Variants in TMEM132D observed in about 807,000 individuals in gnomAD.
TMEM132D encodes the protein mature OL transmembrane protein.
TMEM132D carries 21 observed loss-of-function variants against 62.3 expected under a neutral mutation model. That is an observed-to-expected ratio of 0.34 (90% CI 0.24 to 0.49). The LOEUF (loss-of-function observed/expected upper bound fraction) is 0.49, where lower values mean the gene tolerates loss of function less well. Among genes scored for constraint, TMEM132D ranks in the 20% least tolerant of loss-of-function variants. TMEM132D has a pLI of 0.99. For missense variants in TMEM132D, 1,346 were observed against 1,402.8 expected, an observed-to-expected ratio of 0.96 and a Z score of 0.65; for synonymous variants, 621 against 575.6, an observed-to-expected ratio of 1.08 and a Z score of -1.13.
intron 3 of TMEM132D, among the ~76,000 whole-genome samples, chr12:129,431,748 C>T (rs1451470200): frequency 6.6e-6 from 1 of 152,184 alleles, no homozygotes; most frequent in South Asian, 2.1e-4. Context: ...TGGGTAAAAA[C>T]TTAAACCTGC....
intron 2 of TMEM132D, among the ~76,000 whole-genome samples, chr12:129,675,600 T>C (rs1190458247): frequency 6.6e-6 from 1 of 152,184 alleles, no homozygotes; most frequent in East Asian, 1.9e-4. Flanking sequence ...ACTATTTCAT[T>C]CCATGATAAG....
intron 3 of TMEM132D, among the ~76,000 whole-genome samples, chr12:129,429,861 C>T (rs1279203611): frequency 6.6e-6 from 1 of 151,198 alleles, no homozygotes; most frequent in Non-Finnish European, 1.5e-5. Context: ...CAATAGTTTG[C>T]TGAGAATGAT....
rs151214612 is a variant in TMEM132D, at chr12:129,895,842, A to C, written c.79+7419T>G. 2.3e-3 allele frequency among the ~76,000 whole-genome samples: 348 copies of C among 152,144 alleles called. 3 individuals are homozygous for C. Among genetic ancestry groups the C allele is most frequent in the Admixed American group, 4.8e-3 (74 of 15,288 alleles). ...GTAAAAAAAAAAAATTACTTGGTGA[A>C]GGAAGAAGAGAAAGGCTGAGAAACC... On this transcript the variant is annotated intron_variant, in intron 1 of 8. Coordinates refer to ENST00000422113, the MANE Select transcript of TMEM132D (RefSeq NM_133448.3).
intron 3 of TMEM132D, among the ~76,000 whole-genome samples, chr12:129,489,103 T>G (rs965241694): frequency 1.3e-5 from 2 of 152,184 alleles, no homozygotes; most frequent in African/African-American, 4.8e-5. Flanking sequence ...CCAGGGGACA[T>G]AGTTATTGAC....
At chr12:129,196,982 C>A (rs973134610) in intron 5 of TMEM132D, among the ~76,000 whole-genome samples, 1 of 152,064 alleles carries the variant, frequency 6.6e-6, no homozygotes, top group African/African-American at 2.4e-5. Flanking sequence ...AGTCACCACC[C>A]GTGAAGAAAA....
intron 3 of TMEM132D, among the ~76,000 whole-genome samples, chr12:129,497,078 C>T (rs185109794): frequency 1.9e-4 from 29 of 152,210 alleles, no homozygotes; most frequent in Admixed American, 9.2e-4. Flanking sequence ...GAGGCTGAGA[C>T]GGGTGGATCA....
At chr12:129,088,136 G>GGGGTGTCCTCCCTGCCC (rs1874716229) in intron 5 of TMEM132D, among the ~76,000 whole-genome samples, 2 of 23,008 alleles carry the variant, frequency 8.7e-5, no homozygotes, top group Admixed American at 5.6e-4. Flanking sequence ...CTCCATGACC[G>GGGGTGTCCTCCCTGCCC]GGGTGTCCTC....
intron 2 of TMEM132D, among the ~76,000 whole-genome samples, chr12:129,567,098 C>T (rs1334344347): frequency 6.6e-6 from 1 of 152,208 alleles, no homozygotes; most frequent in Non-Finnish European, 1.5e-5. Context: ...TGTAACAGGT[C>T]ATGGTCCTCA....
intron 2 of TMEM132D, among the ~76,000 whole-genome samples, chr12:129,583,088 G>A (rs571194093): frequency 1.5e-4 from 23 of 152,278 alleles, no homozygotes; most frequent in Middle Eastern, 3.4e-3. Context: ...GATTACAGGC[G>A]TGAGCCACTG....
chr12:129,326,406 G>C (rs972841046), intron 4 of TMEM132D, among the ~76,000 whole-genome samples: 3 of 152,112 alleles, frequency 2.0e-5, no homozygotes, highest in Non-Finnish European at 4.4e-5. Context: ...TGTCATTTTT[G>C]TATGTCCTGC....
At chr12:129,113,065 GTCT>G (rs1875774620) in intron 5 of TMEM132D, 1 of 152,092 alleles carries the variant, frequency 6.6e-6, no homozygotes, top group South Asian at 2.1e-4. Context: ...TACTCTAAAG[GTCT>G]TCTTTCTGAA....
intron 1 of TMEM132D, among the ~76,000 whole-genome samples, chr12:129,736,165 A>T (rs1330567356): frequency 6.6e-6 from 1 of 152,172 alleles, no homozygotes; most frequent in Non-Finnish European, 1.5e-5. Context: ...TCTCAAAAAC[A>T]AATTGTATTT....
intron 4 of TMEM132D, among the ~76,000 whole-genome samples, chr12:129,247,253 A>C (rs1330386438): frequency 6.6e-6 from 1 of 152,042 alleles, no homozygotes; most frequent in Non-Finnish European, 1.5e-5. Flanking sequence ...GGATTTATAG[A>C]GTTTTTCTAC....
At chr12:129,276,182 G>C (rs1194697915) in intron 4 of TMEM132D, among the ~76,000 whole-genome samples, 1 of 152,100 alleles carries the variant, frequency 6.6e-6, no homozygotes, top group African/African-American at 2.4e-5. Flanking sequence ...TTGCCCACTC[G>C]GGGAAAATGA....
intron 4 of TMEM132D, among the ~76,000 whole-genome samples, chr12:129,331,290 G>T (rs1213531289): frequency 6.6e-6 from 1 of 152,178 alleles, no homozygotes; most frequent in Non-Finnish European, 1.5e-5. Flanking sequence ...GATCTTCAGG[G>T]CTGGGTTTGG....
At chr12:129,889,644 A>G (rs1277313358) in intron 1 of TMEM132D, among the ~76,000 whole-genome samples, 2 of 152,218 alleles carry the variant, frequency 1.3e-5, no homozygotes, top group Non-Finnish European at 1.5e-5. Context: ...TTTCTTGGAC[A>G]TTATCTTATA....
At chr12:129,320,972 A>G (rs964830423) in intron 4 of TMEM132D, among the ~76,000 whole-genome samples, 4 of 152,242 alleles carry the variant, frequency 2.6e-5, no homozygotes, top group Middle Eastern at 3.4e-3. Context: ...AAATCTATCT[A>G]TCTACCTACC....
At chr12:129,182,207 C>CA (rs1478250120) in intron 5 of TMEM132D, among the ~76,000 whole-genome samples, 11 of 152,144 alleles carry the variant, frequency 7.2e-5, no homozygotes, top group African/African-American at 2.6e-4. Context: ...ACTAAAAATA[C>CA]AAAAAAATTA....
intron 3 of TMEM132D, among the ~76,000 whole-genome samples, chr12:129,390,443 G>C (rs1183865774): frequency 2.7e-5 from 4 of 150,116 alleles, no homozygotes; most frequent in Non-Finnish European, 5.9e-5. Context: ...AAGCTGGCTG[G>C]AGTCCACACT....
Sources: allele counts gnomAD v4.1 joint callset (sites outside exome capture counted in the v4.1 genomes callset), GRCh38; gene constraint gnomAD v4.1.1; transcripts MANE v1.5; gene names NCBI Gene and HGNC (gene_info 2026-07-23, HGNC 2026-07-21).